The following BPIFB4 variants were observed in gnomAD, a reference collection of about 807,000 sequenced individuals.
BPIFB4 encodes BPI fold-containing family B member 4.
BPIFB4 carries 62 observed loss-of-function variants against 69.2 expected under a neutral mutation model. The observed-to-expected ratio is 0.90, with a 90% CI of 0.73 to 1.11. The LOEUF is 1.11. BPIFB4 is among the 50% of genes least tolerant of loss of function. The pLI is 0.00. For synonymous variants in BPIFB4, 330 were observed against 332.7 expected, an observed-to-expected ratio of 0.99 and a Z score of 0.09; for missense variants, 789 against 792.0, an observed-to-expected ratio of 1.00 and a Z score of 0.04.
intron 16 of BPIFB4, among the ~76,000 whole-genome samples, chr20:33,106,541 T>G (rs1014191996): frequency 6.6e-6 from 1 of 151,734 alleles, no homozygotes; most frequent in Non-Finnish European, 1.5e-5. Flanking sequence ...CCCAGCTAAT[T>G]TTTGTATTTT....
intron 13 of BPIFB4, 67 bp downstream of exon 13, chr20:33,097,854 G>T: frequency 1.4e-6 from 2 of 1,466,020 alleles, no homozygotes; most frequent in South Asian, 1.3e-5. Context: ...GTCTCCTGGA[G>T]CCCAAAGACC....
intron 3 of BPIFB4, among the ~76,000 whole-genome samples, chr20:33,082,366 T>C (rs897922584): frequency 6.6e-6 from 1 of 152,158 alleles, no homozygotes; most frequent in Admixed American, 6.5e-5. Context: ...GGAGTTTCGC[T>C]CTTGTTGCCC....
At chr20:33,108,634 A>G (rs1243670005) in intron 17 of BPIFB4, among the ~76,000 whole-genome samples, 1 of 151,998 alleles carries the variant, frequency 6.6e-6, no homozygotes, top group Non-Finnish European at 1.5e-5. Flanking sequence ...AACCTCTCCA[A>G]GCCTCCATTT....
rs74539116 is a variant in BPIFB4 at position 33,094,990 on chromosome 20, A to G, written c.1345-110A>G. 3.0e-3 allele frequency: 3,212 copies of G among 1,076,772 alleles called. 54 individuals carry two copies. The African/African-American group carries it at 0.041, about 14-fold the overall frequency. The allele number at this position is 1,076,772 out of a possible 1,614,324, so 66.7% of individuals were successfully genotyped here. ...GGTCTTTCAGGGAGAGAAGACGAAGACGCCCTGCTGGGTGTTGTAAAGCAT... is the reference window on the plus strand; with the variant it reads ...GGTCTTTCAGGGAGAGAAGACGAAGGCGCCCTGCTGGGTGTTGTAAAGCAT... On this transcript the variant is annotated intron_variant, in intron 11 of 17. Coordinates refer to ENST00000375483, the MANE Select transcript of BPIFB4 (RefSeq NM_182519.3).
intron 5 of BPIFB4, 97 bp from the exon 6 acceptor site, chr20:33,084,795 G>C: frequency 6.7e-7 from 1 of 1,502,840 alleles, no homozygotes; most frequent in Non-Finnish European, 8.9e-7. Context: ...AGAAGGAACA[G>C]ACGGGGAGCA....
Position 33,084,931 on chromosome 20 carries a change from G to C in BPIFB4, c.717G>C (p.Val239=). The C allele has an allele frequency of 6.2e-7, 1 of 1,610,990 alleles. No homozygotes were observed. Among genetic ancestry groups the C allele is most frequent in the South Asian group, 1.1e-5 (1 of 91,062 alleles). The change falls in exon 6 of 18, where the codon GTG becomes GTC. Residue 239 remains valine, a synonymous_variant. Transcript: ENST00000375483. ...AGCTGACCCTCCCTCGGGTGTCCGT[G>C]CGGCTCCTGCCCGGCGTGGGTGTCT... ...IVELTLPRVS[V]RLLPGVGVYL...
rs770283793 is a variant in BPIFB4 at position 33,092,623 on chromosome 20, C to A, written c.1309C>A (p.Gln437Lys). The A allele has an allele frequency of 6.2e-7, 1 of 1,612,912 alleles. No individual in the cohort carries two copies. The highest frequency in any genetic ancestry group is 1.1e-5 in the South Asian group (1 of 91,088). ...LGSVLTLLQK[Q>K]HALDLDITNG... ...CTCAGTGCTGACTCTACTGCAGAAG[C>A]AGCATGCTCTAGACCTGGATATCAC... Residue 437 changes from glutamine (Q) to lysine (K), a missense_variant, in exon 11 of 18, where the codon CAG becomes AAG. By Grantham distance (53) the Gln-to-Lys change is moderately conservative (BLOSUM62 1). Transcript: ENST00000375483.
In BPIFB4 at chr20:33,082,865, G is replaced by A; in HGVS notation, c.107-73G>A. On this transcript the variant is annotated intron_variant, in intron 3 of 17. Transcript: ENST00000375483. Reference sequence around the variant, plus strand: ...GAGGCCCAGGGAGCTGAGCAACACTGCGAGGTGCTGCCTGGGGGCTGGAGG... The same window carrying A: ...GAGGCCCAGGGAGCTGAGCAACACTACGAGGTGCTGCCTGGGGGCTGGAGG... The A allele has an allele frequency of 2.1e-6, 3 of 1,438,154 alleles. No individual in the cohort carries two copies. The South Asian group carries it at 3.4e-5, about 16-fold the overall frequency. The allele number at this position is 1,438,154 out of a possible 1,614,324, so 89.1% of individuals were successfully genotyped here.
rs148158688 is a variant in BPIFB4, at chr20:33,085,749, C to A, written c.783-272C>A. 7.2e-5 allele frequency among the ~76,000 whole-genome samples: 11 copies of A among 152,234 alleles called. 1 individual carries two copies. The highest frequency in any genetic ancestry group is 1.6e-4 in the Non-Finnish European group (11 of 68,008). ...TGGACTTATCCCCGTGGGATGAGGT[C>A]GTGTCCACCAAGCTAGGCAATTGGG... On this transcript the variant is annotated intron_variant, in intron 6 of 17. Transcript: ENST00000375483.
Position 33,092,614 on chromosome 20 carries a change from C to T in BPIFB4, c.1300C>T (p.Leu434=), listed in dbSNP as rs1360319318. The change falls in exon 11 of 18, where the codon CTG becomes TTG. Residue 434 remains leucine, a synonymous_variant. Transcript: ENST00000375483. ...CTTCCTGGGCTCAGTGCTGACTCTA[C>T]TGCAGAAGCAGCATGCTCTAGACCT... ...ANFLGSVLTL[L]QKQHALDLDI... 6 of 1,613,442 alleles carry T rather than the reference C, an allele frequency of 3.7e-6. No individual in the cohort carries two copies. The South Asian group carries it at 4.4e-5, about 12-fold the overall frequency.
intron 2 of BPIFB4, among the ~76,000 whole-genome samples, 182 bp downstream of exon 2, chr20:33,080,758 A>AATGG (rs1410299718): frequency 1.3e-5 from 2 of 152,066 alleles, no homozygotes; most frequent in Admixed American, 6.5e-5. Flanking sequence ...TGGAAAGATG[A>AATGG]ATGGATGGAT....
intron 15 of BPIFB4, 123 bp from the exon 16 acceptor site, chr20:33,104,687 A>G: frequency 1.2e-6 from 1 of 859,718 alleles, no homozygotes; most frequent in Non-Finnish European, 1.8e-6. Flanking sequence ...TCTGACTGCC[A>G]GAACCTAGAC....
intron 15 of BPIFB4, among the ~76,000 whole-genome samples, chr20:33,103,808 A>G (rs1981971692): frequency 6.6e-6 from 1 of 152,204 alleles, no homozygotes; most frequent in Non-Finnish European, 1.5e-5. Flanking sequence ...TTCATTTTAT[A>G]AGGATAAACT....
At position 33,106,117 on chromosome 20, in the gene BPIFB4, T is replaced by G. The variant is rs1600564394; in HGVS notation, c.1744+1244T>G. Among the ~76,000 whole-genome samples the G allele has an allele frequency of 7.2e-5, 11 of 152,228 alleles. 1 individual carries two copies. The South Asian group carries it at 2.3e-3, about 32-fold the overall frequency. On this transcript the variant is annotated intron_variant, in intron 16 of 17. Coordinates refer to ENST00000375483, the MANE Select transcript of BPIFB4 (RefSeq NM_182519.3). ...GTCCTGCTGGAATAGAGAAGTCTGT[T>G]AAATTTCACTTAATTTACTTCCCCC...
intron 15 of BPIFB4, among the ~76,000 whole-genome samples, chr20:33,104,325 C>T (rs1442844377): frequency 6.6e-6 from 1 of 152,208 alleles, no homozygotes; most frequent in African/African-American, 2.4e-5. Context: ...CTCACCGCAT[C>T]CTTGCAAACT....
chr20:33,092,768 T>A (rs980708212), intron 11 of BPIFB4, 110 bp downstream of exon 11: 1 of 1,048,492 alleles, frequency 9.5e-7, no homozygotes. Flanking sequence ...GAACTGCAGA[T>A]GGTCCACCCC....
intron 10 of BPIFB4, 69 bp downstream of exon 10, chr20:33,090,868 C>A: frequency 6.3e-7 from 1 of 1,577,272 alleles, no homozygotes; most frequent in Non-Finnish European, 8.7e-7. Context: ...CAGTGAGGCC[C>A]TCCCAGGGCT....
chr20:33,090,353 A>C (rs1002622284), intron 9 of BPIFB4, among the ~76,000 whole-genome samples: 1 of 152,194 alleles, frequency 6.6e-6, no homozygotes, highest in African/African-American at 2.4e-5. Flanking sequence ...TCAACTAAGC[A>C]CCACATTGTG....
chr20:33,097,831 A>G, intron 13 of BPIFB4, 44 bp downstream of exon 13: 2 of 1,541,676 alleles, frequency 1.3e-6, no homozygotes, highest in African/African-American at 1.4e-5. Flanking sequence ...GGGCCTCAAG[A>G]CAGAGCCACA....
Sources: allele counts gnomAD v4.1 joint callset (sites outside exome capture counted in the v4.1 genomes callset), GRCh38; gene constraint gnomAD v4.1.1; transcripts MANE v1.5; gene names NCBI Gene and HGNC (gene_info 2026-07-23, HGNC 2026-07-21).